Variants in NRXN3 observed in about 807,000 individuals in gnomAD.
NRXN3 encodes neurexin 3, also known as neurexin III.
A neutral mutation model predicts 137.6 loss-of-function variants in NRXN3; 32 were observed. The observed-to-expected ratio is 0.23, with a 90% CI of 0.18 to 0.31. NRXN3 has a LOEUF of 0.31. Ranked by LOEUF, NRXN3 falls within the 10% of genes least tolerant of loss-of-function variation. The pLI is 1.00. For synonymous variants in NRXN3, 798 were observed against 784.5 expected (o/e 1.02, Z -0.29); for missense variants, 1,574 against 2,062.5 (o/e 0.76, Z 4.59).
rs182626853 is a variant in NRXN3 at position 78,600,735 on chromosome 14, C to T, written c.758-44385C>T. 6.1e-4 allele frequency among the ~76,000 whole-genome samples: 93 copies of T among 152,320 alleles called. 1 individual carries two copies. The highest frequency in any genetic ancestry group is 2.6e-4 in the Non-Finnish European group (18 of 68,028). ...GCTCTGGACATGTGTCCCCAGCTTT[C>T]TATTAGACATCTCTACCTACTTGTC... is the stretch of plus-strand genomic sequence containing the variant. On this transcript the variant is annotated intron_variant, in intron 4 of 20. Transcript: ENST00000335750.
intron 15 of NRXN3, among the ~76,000 whole-genome samples, chr14:79,222,084 G>A (rs1477701777): frequency 1.3e-5 from 2 of 152,122 alleles, no homozygotes; most frequent in Non-Finnish European, 2.9e-5. Context: ...TGTTATTTCT[G>A]AGGCCTGTGT....
intron 4 of NRXN3, among the ~76,000 whole-genome samples, chr14:78,304,079 T>A (rs1597087806): frequency 6.6e-6 from 1 of 152,144 alleles, no homozygotes; most frequent in Non-Finnish European, 1.5e-5. Flanking sequence ...AGTAATGAAA[T>A]CTCTCTACTT....
intron 15 of NRXN3, among the ~76,000 whole-genome samples, chr14:79,241,806 C>T (rs1336892151): frequency 6.6e-6 from 1 of 152,166 alleles, no homozygotes; most frequent in Non-Finnish European, 1.5e-5. Flanking sequence ...GTGGCTCACG[C>T]CTGTAATCCC....
chr14:78,480,990 A>G (rs956063842), intron 4 of NRXN3, among the ~76,000 whole-genome samples: 4 of 151,856 alleles, frequency 2.6e-5, no homozygotes, highest in African/African-American at 9.7e-5. Flanking sequence ...TGGCCATTTC[A>G]GTGGGCATGA....
chr14:79,570,307 CA>C (rs1445440961), intron 16 of NRXN3, among the ~76,000 whole-genome samples: 1 of 152,132 alleles, frequency 6.6e-6, no homozygotes, highest in Non-Finnish European at 1.5e-5. Flanking sequence ...CTATGCTCCC[CA>C]AACTCAAAGA....
chr14:78,486,981 C>A (rs2095570198), intron 4 of NRXN3, among the ~76,000 whole-genome samples: 1 of 152,096 alleles, frequency 6.6e-6, no homozygotes, highest in Non-Finnish European at 1.5e-5. Context: ...TTGAATGAGA[C>A]CTATAAGAAT....
chr14:78,934,985 A>G (rs1415639959), intron 10 of NRXN3, among the ~76,000 whole-genome samples: 1 of 152,008 alleles, frequency 6.6e-6, no homozygotes, highest in Non-Finnish European at 1.5e-5. Context: ...TAATAATAAA[A>G]GAAGAAATAG....
At chr14:78,354,883 T>C (rs531734520) in intron 4 of NRXN3, among the ~76,000 whole-genome samples, 18 of 152,280 alleles carry the variant, frequency 1.2e-4, no homozygotes, top group African/African-American at 3.6e-4. Context: ...ACAGAGGTAG[T>C]GGCTACCAAG....
intron 15 of NRXN3, among the ~76,000 whole-genome samples, chr14:79,286,720 T>C (rs1416805127): frequency 6.6e-6 from 1 of 151,966 alleles, no homozygotes; most frequent in Non-Finnish European, 1.5e-5. Flanking sequence ...AGTGTGGTGT[T>C]AGGTGAGGTG....
At chr14:78,463,042 C>A (rs1204764962) in intron 4 of NRXN3, among the ~76,000 whole-genome samples, 1 of 152,120 alleles carries the variant, frequency 6.6e-6, no homozygotes, top group East Asian at 1.9e-4. Context: ...TTATTCTACT[C>A]GGTACACCCA....
intron 8 of NRXN3, among the ~76,000 whole-genome samples, chr14:78,789,160 C>CA: frequency 6.6e-6 from 1 of 152,280 alleles, no homozygotes; most frequent in Non-Finnish European, 1.5e-5. Context: ...ACTTGGTCTT[C>CA]CCTGAATCAC....
At chr14:78,294,784 A>G (rs1415729818) in intron 3 of NRXN3, among the ~76,000 whole-genome samples, 2 of 152,196 alleles carry the variant, frequency 1.3e-5, no homozygotes, top group Non-Finnish European at 2.9e-5. Context: ...ACCCCCATGC[A>G]TCACTGTCAG....
intron 8 of NRXN3, 58 bp from the exon 9 acceptor site, chr14:78,803,562 G>A: frequency 6.6e-7 from 1 of 1,519,538 alleles, no homozygotes; most frequent in Non-Finnish European, 9.1e-7. Flanking sequence ...AAGCAAAGGG[G>A]TATTTGGCAA....
At chr14:78,460,787 G>A (rs1477185920) in intron 4 of NRXN3, among the ~76,000 whole-genome samples, 2 of 148,386 alleles carry the variant, frequency 1.3e-5, no homozygotes, top group African/African-American at 4.9e-5. Context: ...TTGGGAAGAT[G>A]CCCGGTGGTC....
In NRXN3 at chr14:78,709,015, T is replaced by G. The variant is rs1285513440; in HGVS notation, c.1222-202T>G. ...AGACAAAAGAAATTCTGTAGAAATA[T>G]AGAGGCTTTTTTGGAGCTTGTGTGC... is the stretch of plus-strand genomic sequence containing the variant. On this transcript the variant is annotated intron_variant, in intron 6 of 20. Transcript: ENST00000335750. Among the ~76,000 whole-genome samples, 7 of 152,216 alleles carry G rather than the reference T, an allele frequency of 4.6e-5. No individual in the cohort carries two copies. In the East Asian group the frequency reaches 1.3e-3, roughly 29 times the overall value.
chr14:79,326,781 A>T (rs2090942030), intron 15 of NRXN3, among the ~76,000 whole-genome samples: 1 of 152,200 alleles, frequency 6.6e-6, no homozygotes. Flanking sequence ...TTTACCAAAT[A>T]TATGTTTTAG....
chr14:79,621,168 G>A (rs964523849), intron 16 of NRXN3, among the ~76,000 whole-genome samples: 6 of 152,082 alleles, frequency 3.9e-5, no homozygotes, highest in African/African-American at 1.4e-4. Flanking sequence ...CTGAAATGAT[G>A]ACTATTAAGC....
chr14:78,195,327 G>GTTCA (rs1437961318), intron 1 of NRXN3, among the ~76,000 whole-genome samples: 9 of 152,194 alleles, frequency 5.9e-5, no homozygotes, highest in South Asian at 2.1e-4. Flanking sequence ...TCATTCGTTC[G>GTTCA]TTCGTTCATT....
In NRXN3 at chr14:78,766,503, G is replaced by C. The variant is rs142082484; in HGVS notation, c.2045-37117G>C. ...CAATAATTTGCAGCTCGAGGTCTAT[G>C]TCTAAAGGATAAGAGTTTCCACAAG... On this transcript the variant is annotated intron_variant, in intron 8 of 20. Coordinates refer to ENST00000335750, the MANE Select transcript of NRXN3 (RefSeq NM_001330195.2). Among the ~76,000 whole-genome samples the C allele has an allele frequency of 2.0e-4, 30 of 152,330 alleles. No individual in the cohort carries two copies. In the East Asian group the frequency reaches 5.6e-3, roughly 28 times the overall value.
Sources: gnomAD v4.1 joint callset for allele counts (sites outside exome capture counted in the v4.1 genomes callset) on GRCh38, gnomAD v4.1.1 for gene constraint, MANE v1.5 for transcripts, NCBI Gene and HGNC (gene_info 2026-07-23, HGNC 2026-07-21) for gene names.